Variants in DIS3L2 observed in about 807,000 individuals in gnomAD.
The protein encoded by DIS3L2 is DIS3 like 3'-5' exoribonuclease 2.
Under a neutral mutation model 97.5 loss-of-function variants are expected in DIS3L2, and 34 were observed. The ratio of observed to expected loss-of-function variants is 0.35; its 90% confidence interval spans 0.27 to 0.46. The LOEUF (loss-of-function observed/expected upper bound fraction) is 0.46, where lower values mean the gene tolerates loss of function less well. DIS3L2 is among the 20% of genes least tolerant of loss of function. The pLI is 1.00. For missense variants in DIS3L2, 1,038 were observed against 1,146.0 expected, an observed-to-expected ratio of 0.91 and a Z score of 1.36; for synonymous variants, 435 against 445.2, an observed-to-expected ratio of 0.98 and a Z score of 0.29.
intron 5 of DIS3L2, among the ~76,000 whole-genome samples, chr2:232,072,783 G>GGTGTGTGTGTGTGTGT (rs56884799): frequency 3.9e-4 from 54 of 139,906 alleles, no homozygotes; most frequent in African/African-American, 1.4e-3. Flanking sequence ...TGGGATGTGG[G>GGTGTGTGTGTGTGTGT]GTGTGTGTGT....
At chr2:232,340,047 C>T, downstream of DIS3L2, among the ~76,000 whole-genome samples, 1 of 152,138 alleles carries the variant, frequency 6.6e-6, no homozygotes, top group East Asian at 1.9e-4. Flanking sequence ...TGCCTGGGGC[C>T]AGGCCTGACT....
rs1559196440 is a variant in DIS3L2 at position 232,292,740 on chromosome 2, G to A, written c.1660-7300G>A. On this transcript the variant is annotated intron_variant, in intron 13 of 20. Coordinates refer to ENST00000325385, the MANE Select transcript of DIS3L2 (RefSeq NM_152383.5). The surrounding 1 kb of genome is among the most constrained non-coding windows in gnomAD (Gnocchi z 4.4). ...AAGGCTCTCCCATTTTCTGCCCTGG[G>A]GAGACTGCCCTTTCCTTGTTGGGAT... Among the ~76,000 whole-genome samples, 1 of 152,188 alleles carries A rather than the reference G, an allele frequency of 6.6e-6. No homozygotes were observed.
chr2:231,978,464 A>AT (rs1693157524), intron 1 of DIS3L2: 1 of 152,174 alleles, frequency 6.6e-6, no homozygotes, highest in South Asian at 2.1e-4. Context: ...TTTTGGTCAG[A>AT]TTTTGCAAAT....
At chr2:232,105,937 GT>G (rs1177177871) in intron 6 of DIS3L2, among the ~76,000 whole-genome samples, 1 of 152,154 alleles carries the variant, frequency 6.6e-6, no homozygotes, top group Non-Finnish European at 1.5e-5. Context: ...TTGCTCTGCA[GT>G]TTTAGCTTTA....
At chr2:232,304,920 C>T (rs547692856) in intron 14 of DIS3L2, among the ~76,000 whole-genome samples, 1 of 152,210 alleles carries the variant, frequency 6.6e-6, no homozygotes, top group Middle Eastern at 3.4e-3. Context: ...TAGAAACCAT[C>T]TTATTTCATC....
Position 232,039,824 on chromosome 2 carries a change from A to G in DIS3L2, c.366+9744A>G, listed in dbSNP as rs139012891. ...CAGATCTCTTGACTTACAGCTTAAT[A>G]TCCTTTTCCTCAGATTTTCAAAGTG... On this transcript the variant is annotated intron_variant, in intron 5 of 20. Coordinates refer to ENST00000325385, the MANE Select transcript of DIS3L2 (RefSeq NM_152383.5). 2.9e-3 allele frequency among the ~76,000 whole-genome samples: 448 copies of G among 152,334 alleles called. 1 individual carries two copies. Among genetic ancestry groups the G allele is most frequent in the Non-Finnish European group, 5.5e-3 (371 of 68,026 alleles).
rs1300776237 is a variant in DIS3L2 at position 232,298,486 on chromosome 2, GCTCTGTAGGGCA to G, written c.1660-1553_1660-1542del. Among the ~76,000 whole-genome samples, 14 of 152,172 alleles carry G rather than the reference GCTCTGTAGGGCA, an allele frequency of 9.2e-5. 1 individual carries two copies. ...AGAGGGCTGGGAAGATTCAAGTGGT[GCTCTGTAGGGCA>G]AACATGCCTTTGACTTGAAGTTCTG... On this transcript the variant is annotated intron_variant, in intron 13 of 20. Transcript: ENST00000325385.
At chr2:231,989,371 G>A (rs377475545) in intron 1 of DIS3L2, among the ~76,000 whole-genome samples, 17 of 149,162 alleles carry the variant, frequency 1.1e-4, no homozygotes, top group East Asian at 1.0e-3. Flanking sequence ...GTGTGTGTGT[G>A]TGTATGTGTG....
chr2:232,304,149 C>T (rs931733061), intron 14 of DIS3L2, among the ~76,000 whole-genome samples: 4 of 151,120 alleles, frequency 2.6e-5, no homozygotes, highest in African/African-American at 4.9e-5. Context: ...CGTGGGTCTA[C>T]GGGTGGTGAC....
intron 5 of DIS3L2, among the ~76,000 whole-genome samples, chr2:232,080,085 G>C (rs896843062): frequency 3.3e-5 from 5 of 152,212 alleles, no homozygotes; most frequent in African/African-American, 1.2e-4. Flanking sequence ...GGCAATAAAG[G>C]TTGTTTGGGT....
chr2:232,236,052 T>C lies in DIS3L2; in HGVS notation c.1205-2481T>C, dbSNP rs192215680. Among the ~76,000 whole-genome samples, 50 of 152,340 alleles carry C rather than the reference T, an allele frequency of 3.3e-4. No homozygotes were observed. In the East Asian group the frequency reaches 9.4e-3, roughly 29 times the overall value. ...TTAAGTGGACTTAAGTATTCCTTTA[T>C]GTATTACAGCTACAGGATTGGGCGG... On this transcript the variant is annotated intron_variant, in intron 10 of 20. Transcript: ENST00000325385.
rs1444403334 is a variant in DIS3L2, at chr2:232,303,203, C to G, written c.1739+3084C>G. ...TACGACGCTCTGTCAAAGGCAGACTCCTCACTCATGAGTTATGAAGCACGG... is the reference window on the plus strand; with the variant it reads ...TACGACGCTCTGTCAAAGGCAGACTGCTCACTCATGAGTTATGAAGCACGG... On this transcript the variant is annotated intron_variant, in intron 14 of 20. Transcript: ENST00000325385. Among the ~76,000 whole-genome samples the G allele has an allele frequency of 1.6e-4, 25 of 152,164 alleles. 1 individual carries two copies. Among genetic ancestry groups the G allele is most frequent in the Non-Finnish European group, 1.5e-5 (1 of 68,030 alleles).
intron 6 of DIS3L2, among the ~76,000 whole-genome samples, chr2:232,108,595 A>G (rs1697429445): frequency 6.6e-6 from 1 of 152,248 alleles, no homozygotes; most frequent in African/African-American, 2.4e-5. Flanking sequence ...TTAAATAGGA[A>G]GAGAGGAAGT....
intron 1 of DIS3L2, among the ~76,000 whole-genome samples, chr2:231,965,855 G>A (rs1213059900): frequency 1.3e-5 from 2 of 152,210 alleles, no homozygotes; most frequent in Non-Finnish European, 1.5e-5. Context: ...CCACGTCCAT[G>A]TTGCCCTGGC....
chr2:232,060,621 G>A (rs1208122113), intron 5 of DIS3L2, among the ~76,000 whole-genome samples: 1 of 152,014 alleles, frequency 6.6e-6, no homozygotes, highest in Non-Finnish European at 1.5e-5. Context: ...CTTTTGCTCA[G>A]GATAGCTTTG....
intron 1 of DIS3L2, among the ~76,000 whole-genome samples, chr2:231,967,178 C>T (rs1037888263): frequency 6.6e-6 from 1 of 152,080 alleles, no homozygotes; most frequent in Admixed American, 6.5e-5. Context: ...GATGAAGTAC[C>T]CTGCCCTCAG....
chr2:232,206,691 G>GGA (rs1423510887), intron 9 of DIS3L2, among the ~76,000 whole-genome samples: 1 of 152,184 alleles, frequency 6.6e-6, no homozygotes, highest in Admixed American at 6.5e-5. Flanking sequence ...CAGCAAGCAA[G>GGA]CCTTCCTGAG....
chr2:232,311,149 C>CA (rs1481609890), intron 14 of DIS3L2, among the ~76,000 whole-genome samples: 1 of 152,198 alleles, frequency 6.6e-6, no homozygotes, highest in East Asian at 1.9e-4. Context: ...CTGACCCAAA[C>CA]AAGGAAATGG....
intron 1 of DIS3L2, among the ~76,000 whole-genome samples, chr2:231,963,527 C>T (rs1489863960): frequency 6.6e-6 from 1 of 152,102 alleles, no homozygotes; most frequent in Admixed American, 6.5e-5. Flanking sequence ...TGAATATTCT[C>T]GCCCATTTTG....
Sources: gnomAD v4.1 joint callset for allele counts (sites outside exome capture counted in the v4.1 genomes callset) on GRCh38, gnomAD v4.1.1 for gene constraint, Gnocchi (gnomAD v3.1) non-coding constraint, MANE v1.5 for transcripts, NCBI Gene and HGNC (gene_info 2026-07-23, HGNC 2026-07-21) for gene names.